Variants in SLC39A11 observed in about 807,000 individuals in gnomAD.
The protein encoded by SLC39A11 is solute carrier family 39 member 11.
A neutral mutation model predicts 36.1 loss-of-function variants in SLC39A11; 33 were observed. The ratio of observed to expected loss-of-function variants is 0.91; its 90% CI spans 0.69 to 1.22. SLC39A11 has a LOEUF of 1.22. Among genes scored for constraint, SLC39A11 ranks in the 50% most tolerant of loss-of-function variants. The probability of loss-of-function intolerance (pLI) is 0.00; values close to 1 mark genes in which losing one functional copy is unlikely to be tolerated. For missense variants in SLC39A11, 432 were observed against 430.3 expected, an observed-to-expected ratio of 1.00 and a Z score of -0.03; for synonymous variants, 166 against 170.3, an observed-to-expected ratio of 0.97 and a Z score of 0.20.
At chr17:72,959,345 A>ATC (rs2147899275) in intron 4 of SLC39A11, among the ~76,000 whole-genome samples, 1 of 134,716 alleles carries the variant, frequency 7.4e-6, no homozygotes, top group South Asian at 2.3e-4. Context: ...ATATATATAT[A>ATC]TATATATATA....
At chr17:72,686,469 C>T (rs1015911086) in intron 7 of SLC39A11, among the ~76,000 whole-genome samples, 6 of 152,168 alleles carry the variant, frequency 3.9e-5, no homozygotes, top group Non-Finnish European at 7.3e-5. Flanking sequence ...GCTCTTGGCT[C>T]GTTCGTGATA....
intron 5 of SLC39A11, among the ~76,000 whole-genome samples, chr17:72,924,644 A>T (rs1245688314): frequency 6.6e-6 from 1 of 152,152 alleles, no homozygotes; most frequent in African/African-American, 2.4e-5. Context: ...ATATTCTCTA[A>T]TACTTTTTCA....
chr17:72,753,534 G>A (rs1472317826), intron 6 of SLC39A11, among the ~76,000 whole-genome samples: 1 of 152,044 alleles, frequency 6.6e-6, no homozygotes, highest in Admixed American at 6.6e-5. Context: ...ATATGCTCTT[G>A]AATCTCCAGC....
chr17:72,801,162 G>T (rs1274315959), intron 6 of SLC39A11, among the ~76,000 whole-genome samples: 1 of 152,206 alleles, frequency 6.6e-6, no homozygotes, highest in Non-Finnish European at 1.5e-5. Context: ...GAGGGAATGG[G>T]GTTGGGGGAT....
chr17:72,991,599 T>TCCCACCC (rs1555669378), intron 4 of SLC39A11, among the ~76,000 whole-genome samples: 1 of 150,630 alleles, frequency 6.6e-6, no homozygotes, highest in African/African-American at 2.5e-5. Context: ...TCTCAGATAA[T>TCCCACCC]CCCCCCGCCT....
intron 4 of SLC39A11, among the ~76,000 whole-genome samples, chr17:72,979,373 TGTAA>T (rs1313441583): frequency 6.6e-6 from 1 of 152,060 alleles, no homozygotes; most frequent in Non-Finnish European, 1.5e-5. Flanking sequence ...ACAGGGGCTA[TGTAA>T]GTGAGACAGA....
chr17:72,798,192 G>A (rs1181104699), intron 6 of SLC39A11, among the ~76,000 whole-genome samples: 4 of 152,060 alleles, frequency 2.6e-5, no homozygotes, highest in African/African-American at 7.3e-5. Flanking sequence ...ATTGAAATGT[G>A]TCTTAGTCTG....
rs180766054 is a variant in SLC39A11 at position 73,037,989 on chromosome 17, G to T, written c.148-6275C>A. ...CATAATCCAAGCACTTTGGGAGGCC[G>T]AGGCAGGCGGATCACCTGAGGTTAG... On this transcript the variant is annotated intron_variant, in intron 3 of 9. Coordinates refer to ENST00000255559, the MANE Select transcript of SLC39A11 (RefSeq NM_139177.4). Among the ~76,000 whole-genome samples, 169 of 152,346 alleles carry T rather than the reference G, an allele frequency of 1.1e-3. No individual in the cohort carries two copies. In the East Asian group the frequency reaches 0.018, roughly 16 times the overall value.
At chr17:72,942,034 C>G (rs1406166928) in intron 5 of SLC39A11, among the ~76,000 whole-genome samples, 1 of 150,552 alleles carries the variant, frequency 6.6e-6, no homozygotes, top group East Asian at 2.0e-4. Flanking sequence ...GCATGTGCCA[C>G]CACGCCTGGC....
intron 7 of SLC39A11, among the ~76,000 whole-genome samples, chr17:72,734,101 C>G (rs2074332667): frequency 6.6e-6 from 1 of 152,140 alleles, no homozygotes; most frequent in Non-Finnish European, 1.5e-5. Context: ...GGGAAATCCT[C>G]ACTCTCCACT....
At chr17:72,874,968 AG>A (rs2080819679) in intron 5 of SLC39A11, among the ~76,000 whole-genome samples, 2 of 152,224 alleles carry the variant, frequency 1.3e-5, no homozygotes, top group Admixed American at 1.3e-4. Context: ...CAGTGGCTGC[AG>A]GTTGAATAAA....
chr17:72,996,140 C>T (rs1209961421), intron 4 of SLC39A11, among the ~76,000 whole-genome samples: 1 of 152,092 alleles, frequency 6.6e-6, no homozygotes, highest in Non-Finnish European at 1.5e-5. Flanking sequence ...CCAAATCCCT[C>T]AGTCCCACCA....
rs879793559 is a variant in SLC39A11 at position 72,900,195 on chromosome 17, A to AGG, written c.430+47556_430+47557insCC. 1.1e-3 allele frequency among the ~76,000 whole-genome samples: 166 copies of AGG among 149,638 alleles called. 24 individuals are homozygous for AGG. The highest frequency in any genetic ancestry group is 3.9e-3 in the African/African-American group (155 of 39,728). ...AAAGAAAGAAAGAAAGAAAGAAAGAAAGAAAGAAAGAAAGAAAGAAAGAAA... is the reference window on the plus strand; with the variant it reads ...AAAGAAAGAAAGAAAGAAAGAAAGAAGGAGAAAGAAAGAAAGAAAGAAAGAAA... On this transcript the variant is annotated intron_variant, in intron 5 of 9. Coordinates refer to ENST00000255559, the MANE Select transcript of SLC39A11 (RefSeq NM_139177.4).
At chr17:72,911,558 G>A (rs939970040) in intron 5 of SLC39A11, among the ~76,000 whole-genome samples, 2 of 151,886 alleles carry the variant, frequency 1.3e-5, no homozygotes, top group Non-Finnish European at 2.9e-5. Flanking sequence ...CAGCCTCCTC[G>A]TTCTCCTTCC....
intron 4 of SLC39A11, among the ~76,000 whole-genome samples, chr17:73,028,757 G>C (rs2058642792): frequency 6.6e-6 from 1 of 150,636 alleles, no homozygotes; most frequent in Admixed American, 6.6e-5. Context: ...TTCCCTCTGG[G>C]ATCTCCTCCA....
chr17:72,840,092 C>T (rs1037851120), intron 6 of SLC39A11, among the ~76,000 whole-genome samples: 35 of 151,348 alleles, frequency 2.3e-4, no homozygotes, highest in African/African-American at 8.3e-4. Flanking sequence ...CCACTGTGAA[C>T]ATTTTCATGT....
intron 3 of SLC39A11, among the ~76,000 whole-genome samples, chr17:73,040,569 T>C (rs983208853): frequency 7.9e-5 from 12 of 152,206 alleles, no homozygotes; most frequent in Non-Finnish European, 1.6e-4. Flanking sequence ...TGATTATTTA[T>C]GTAAGATGTT....
intron 5 of SLC39A11, among the ~76,000 whole-genome samples, chr17:72,940,957 T>C (rs2085064972): frequency 6.6e-6 from 1 of 152,126 alleles, no homozygotes; most frequent in African/African-American, 2.4e-5. Context: ...TGGGCCCTAA[T>C]CCAATATGAC....
chr17:72,894,360 CAAAAAAAAAAAAAAAA>C (rs57105586), intron 5 of SLC39A11, among the ~76,000 whole-genome samples: 1 of 29,690 alleles, frequency 3.4e-5, no homozygotes, highest in Non-Finnish European at 5.7e-5. Flanking sequence ...GACTCTGTCT[CAAAAAAAAAAAAAAAA>C]AAAAAAAAAA....
Sources: allele counts gnomAD v4.1 joint callset (sites outside exome capture counted in the v4.1 genomes callset), GRCh38; gene constraint gnomAD v4.1.1; transcripts MANE v1.5; gene names NCBI Gene and HGNC (gene_info 2026-07-23, HGNC 2026-07-21).